Variants in DPYSL2 observed in about 807,000 individuals in gnomAD.
DPYSL2 encodes the protein dihydropyrimidinase-related protein 2.
In DPYSL2, 13 loss-of-function variants were observed where a neutral mutation model predicts 69.9. That is an observed-to-expected ratio of 0.19 (90% CI 0.12 to 0.30). The LOEUF is 0.30. Ranked by LOEUF, DPYSL2 falls within the 10% of genes least tolerant of loss-of-function variation. DPYSL2 has a pLI of 1.00. For synonymous variants in DPYSL2, 326 were observed against 359.1 expected, an observed-to-expected ratio of 0.91 and a Z score of 1.04; for missense variants, 587 against 918.9, an observed-to-expected ratio of 0.64 and a Z score of 4.67.
chr8:26,622,770 A>G (rs1052290739), intron 3 of DPYSL2, among the ~76,000 whole-genome samples: 8 of 152,136 alleles, frequency 5.3e-5, no homozygotes, highest in African/African-American at 1.9e-4. Flanking sequence ...CCAAAGTGCA[A>G]CGGCTATATT....
In DPYSL2 at chr8:26,643,325, A is replaced by T; in HGVS notation, c.1127-114A>T. The T allele has an allele frequency of 8.8e-7, 1 of 1,142,448 alleles. No individual in the cohort carries two copies. The highest frequency in any genetic ancestry group is 1.2e-6 in the Non-Finnish European group (1 of 814,888). 70.8% of individuals were successfully genotyped at this position (1,142,448 alleles called of 1,614,324 possible). A position where few individuals can be genotyped will look rare whatever the true frequency, so the allele number is the denominator to read the frequency against. On this transcript the variant is annotated intron_variant, in intron 8 of 13. Transcript: ENST00000521913. The surrounding 1 kb of genome is among the most constrained non-coding windows in gnomAD (Gnocchi z 6.5). ...CTGCGAGATGAGCCTGATATTTCCT[A>T]TAAAGGGATAGTGAGTGCACTGGGT... is the stretch of plus-strand genomic sequence containing the variant.
At chr8:26,536,922 A>G (rs1466409650) in intron 1 of DPYSL2, among the ~76,000 whole-genome samples, 1 of 152,190 alleles carries the variant, frequency 6.6e-6, no homozygotes, top group Non-Finnish European at 1.5e-5. Flanking sequence ...AATGAGCTAC[A>G]TCTTGACTCG....
At chr8:26,523,464 A>G (rs1306317414) in intron 1 of DPYSL2, among the ~76,000 whole-genome samples, 2 of 151,494 alleles carry the variant, frequency 1.3e-5, no homozygotes, top group Non-Finnish European at 2.9e-5. Context: ...TGAAGCAACA[A>G]CTCTTCATTC....
chr8:26,578,134 G>T, intron 1 of DPYSL2: 2 of 1,573,056 alleles, frequency 1.3e-6, no homozygotes, highest in Non-Finnish European at 1.7e-6. Flanking sequence ...CGAAGCGGTT[G>T]CACCCTTTTC....
intron 1 of DPYSL2, chr8:26,577,914 G>A: frequency 8.7e-7 from 1 of 1,152,454 alleles, no homozygotes; most frequent in Non-Finnish European, 1.1e-6. Flanking sequence ...CGGCGCATGC[G>A]CCACGGTGGC....
At chr8:26,611,598 G>A (rs542652703) in intron 3 of DPYSL2, among the ~76,000 whole-genome samples, 3 of 152,234 alleles carry the variant, frequency 2.0e-5, no homozygotes, top group Non-Finnish European at 2.9e-5. Flanking sequence ...CAGAATGCCT[G>A]TCTAATTACA....
intron 1 of DPYSL2, among the ~76,000 whole-genome samples, chr8:26,534,449 A>T (rs770881196): frequency 2.0e-5 from 3 of 152,052 alleles, no homozygotes; most frequent in Non-Finnish European, 4.4e-5. Context: ...ATAAGCCACC[A>T]TGCCCTGCCT....
In DPYSL2 at chr8:26,597,579, A is replaced by G. The variant is rs1419624596; in HGVS notation, c.628+13596A>G. On this transcript the variant is annotated intron_variant, in intron 3 of 13. Transcript: ENST00000521913. The surrounding 1 kb of genome is among the most constrained non-coding windows in gnomAD (Gnocchi z 5.2). ...AAGCTCCGCCTCCCAGGTTCACGCC[A>G]TTCTCCTGCCTCAGCCTCCCAAGTA... 6.6e-6 allele frequency among the ~76,000 whole-genome samples: 1 copy of G among 151,886 alleles called. No homozygotes were observed. The highest frequency in any genetic ancestry group is 2.4e-5 in the African/African-American group (1 of 41,320).
chr8:26,574,419 T>A (rs920896639), intron 1 of DPYSL2, among the ~76,000 whole-genome samples: 3 of 152,202 alleles, frequency 2.0e-5, no homozygotes, highest in Non-Finnish European at 2.9e-5. Context: ...CACTCATGGA[T>A]CTGCTCAGGC....
rs1801885372 is a variant in DPYSL2, at chr8:26,597,340, G to T, written c.628+13357G>T. ...TTTCTGTCACGTAGGCTGCTCCGAG[G>T]TTGCCTTGCCCTTGCCTGGCACTCA... is the stretch of plus-strand genomic sequence containing the variant. On this transcript the variant is annotated intron_variant, in intron 3 of 13. Coordinates refer to ENST00000521913, the MANE Select transcript of DPYSL2 (RefSeq NM_001197293.3). This position sits in a 1 kb window ranked among gnomAD's most constrained non-coding sequence, Gnocchi z 5.2. Among the ~76,000 whole-genome samples, 1 of 152,226 alleles carries T rather than the reference G, an allele frequency of 6.6e-6. No individual in the cohort carries two copies. The highest frequency in any genetic ancestry group is 2.4e-5 in the African/African-American group (1 of 41,454).
At chr8:26,542,113 C>T (rs1800695254) in intron 1 of DPYSL2, among the ~76,000 whole-genome samples, 1 of 151,950 alleles carries the variant, frequency 6.6e-6, no homozygotes, top group African/African-American at 2.4e-5. Flanking sequence ...TAGGGAAACC[C>T]CATATCTACA....
intron 7 of DPYSL2, among the ~76,000 whole-genome samples, chr8:26,628,708 TG>T (rs1802672883): frequency 6.6e-6 from 1 of 152,150 alleles, no homozygotes; most frequent in South Asian, 2.1e-4. Context: ...TTCCCCTTCA[TG>T]GGAGGAAGTG....
intron 1 of DPYSL2, among the ~76,000 whole-genome samples, chr8:26,525,521 C>T (rs1808462351): frequency 1.3e-5 from 2 of 152,184 alleles, no homozygotes; most frequent in African/African-American, 4.8e-5. Flanking sequence ...CATGCTCAGC[C>T]TGAATTTCAT....
Position 26,624,358 on chromosome 8 carries a change from T to A in DPYSL2, c.793+51T>A. On this transcript the variant is annotated intron_variant, in intron 4 of 13. Transcript: ENST00000521913. This position sits in a 1 kb window ranked among gnomAD's most constrained non-coding sequence, Gnocchi z 4.7. ...CTGCAGATGTTTCCGCTTCAGTCCA[T>A]CAACTGGCACAGCCCTGGGAAGAAA... 1 of 1,593,218 alleles carries A rather than the reference T, an allele frequency of 6.3e-7. No homozygotes were observed. Among genetic ancestry groups the A allele is most frequent in the Non-Finnish European group, 8.6e-7 (1 of 1,165,768 alleles).
Position 26,625,777 on chromosome 8 carries a change from A to G in DPYSL2, c.794-840A>G, listed in dbSNP as rs115121781. Among the ~76,000 whole-genome samples, 365 of 152,354 alleles carry G rather than the reference A, an allele frequency of 2.4e-3. 1 individual carries two copies. Among genetic ancestry groups the G allele is most frequent in the African/African-American group, 8.2e-3 (343 of 41,586 alleles). ...TAATTCATTTTCTTGTTACAGTCGC[A>G]ACAGACTTGTTTGGTAGAGGCAGCT... On this transcript the variant is annotated intron_variant, in intron 4 of 13. Transcript: ENST00000521913.
chr8:26,529,405 T>C (rs998338270), intron 1 of DPYSL2, among the ~76,000 whole-genome samples: 2 of 152,044 alleles, frequency 1.3e-5, no homozygotes, highest in South Asian at 4.1e-4. Flanking sequence ...TCATAGCTCA[T>C]TGCAGCCTTG....
At position 26,602,138 on chromosome 8, in the gene DPYSL2, A is replaced by ATTT. The variant is rs374443692; in HGVS notation, c.628+18174_628+18176dup. On this transcript the variant is annotated intron_variant, in intron 3 of 13. Coordinates refer to ENST00000521913, the MANE Select transcript of DPYSL2 (RefSeq NM_001197293.3). ...TTATAAATTTTATAAAACAAAGGAA[A>ATTT]TTTTTTTTTTTTTTTTTTTTTATGT... Among the ~76,000 whole-genome samples the ATTT allele has an allele frequency of 5.8e-3, 778 of 135,278 alleles. 10 individuals are homozygous for ATTT. The highest frequency in any genetic ancestry group is 0.036 in the South Asian group (149 of 4,192). The allele number at this position is 135,278 out of a possible 152,430, so 88.7% of individuals were successfully genotyped here. A position where few individuals can be genotyped will look rare whatever the true frequency, so the allele number is the denominator to read the frequency against.
At chr8:26,557,650 A>G (rs1053477602) in intron 1 of DPYSL2, among the ~76,000 whole-genome samples, 5 of 136,356 alleles carry the variant, frequency 3.7e-5, no homozygotes, top group Admixed American at 3.0e-4. Context: ...AAAGCCAGGC[A>G]TTGTGGTACA....
chr8:26,557,123 A>G lies in DPYSL2; in HGVS notation c.355-24846A>G, dbSNP rs146299931. 1.6e-3 allele frequency among the ~76,000 whole-genome samples: 237 copies of G among 151,952 alleles called. 1 individual carries two copies. The highest frequency in any genetic ancestry group is 5.4e-3 in the African/African-American group (225 of 41,456). On this transcript the variant is annotated intron_variant, in intron 1 of 13. Transcript: ENST00000521913. ...GAAAATGGAAATCTATAAAACTCCT[A>G]GAATATAACATAGAAGATGACTTTT...
Sources: allele counts gnomAD v4.1 joint callset (sites outside exome capture counted in the v4.1 genomes callset), GRCh38; gene constraint gnomAD v4.1.1; non-coding constraint Gnocchi (gnomAD v3.1); transcripts MANE v1.5; gene names NCBI Gene and HGNC (gene_info 2026-07-23, HGNC 2026-07-21).